Variants in ANKRD44 observed in about 807,000 individuals in gnomAD.
ANKRD44 encodes the protein ankyrin repeat domain 44.
A neutral mutation model predicts 116.0 loss-of-function variants in ANKRD44; 35 were observed. The observed-to-expected ratio is 0.30, with a 90% CI of 0.23 to 0.40. The LOEUF is 0.40. ANKRD44 is among the 10% of genes least tolerant of loss of function. ANKRD44 has a pLI of 1.00. For synonymous variants in ANKRD44, 435 were observed against 461.8 expected, an observed-to-expected ratio of 0.94 and a Z score of 0.74; for missense variants, 1,014 against 1,242.6, an observed-to-expected ratio of 0.82 and a Z score of 2.77.
At chr2:197,048,622 C>T (rs1181273922) in intron 16 of ANKRD44, among the ~76,000 whole-genome samples, 3 of 152,188 alleles carry the variant, frequency 2.0e-5, no homozygotes, top group African/African-American at 4.8e-5. Flanking sequence ...CAAGTCTTTG[C>T]TATTGTGAAT....
intron 1 of ANKRD44, among the ~76,000 whole-genome samples, chr2:197,219,043 G>A (rs1393875211): frequency 6.7e-6 from 1 of 148,416 alleles, no homozygotes; most frequent in Non-Finnish European, 1.5e-5. Flanking sequence ...GATTACAAGT[G>A]TGAGCCACCA....
intron 16 of ANKRD44, among the ~76,000 whole-genome samples, chr2:197,059,949 T>C (rs1463785466): frequency 2.6e-5 from 4 of 152,210 alleles, no homozygotes; most frequent in Non-Finnish European, 5.9e-5. Flanking sequence ...TATTCCACAT[T>C]CACACAAATG....
intron 21 of ANKRD44, among the ~76,000 whole-genome samples, chr2:197,003,072 C>T (rs941843553): frequency 6.6e-6 from 1 of 151,474 alleles, no homozygotes; most frequent in Admixed American, 6.6e-5. Context: ...TTTGGGAGGT[C>T]GAGGCGGGCG....
At chr2:197,238,582 C>G (rs147546009) in intron 1 of ANKRD44, among the ~76,000 whole-genome samples, 71 of 152,240 alleles carry the variant, frequency 4.7e-4, no homozygotes, top group African/African-American at 1.5e-3. Flanking sequence ...CCCAAAATAA[C>G]AGTGGCTTAA....
At chr2:197,140,495 A>T (rs1015867720) in intron 3 of ANKRD44, among the ~76,000 whole-genome samples, 6 of 151,978 alleles carry the variant, frequency 3.9e-5, no homozygotes, top group Non-Finnish European at 8.8e-5. Context: ...ATTTTTAAAA[A>T]TTTTTTGTAG....
At chr2:197,171,335 C>A (rs1411184616) in intron 2 of ANKRD44, among the ~76,000 whole-genome samples, 1 of 152,090 alleles carries the variant, frequency 6.6e-6, no homozygotes, top group Non-Finnish European at 1.5e-5. Flanking sequence ...GGCAGTTGTG[C>A]TAAACACAGC....
chr2:196,979,554 CTTTTTTTT>C (rs71012942), intron 21 of ANKRD44, among the ~76,000 whole-genome samples: 8 of 59,634 alleles, frequency 1.3e-4, no homozygotes, highest in Admixed American at 2.4e-4. Context: ...AATAAGATGA[CTTTTTTTT>C]TTTTTTTTTT....
At chr2:197,027,205 T>C (rs1329268383) in intron 16 of ANKRD44, among the ~76,000 whole-genome samples, 1 of 151,662 alleles carries the variant, frequency 6.6e-6, no homozygotes, top group African/African-American at 2.4e-5. Context: ...TACCAAAAAA[T>C]ACAAAAATTA....
At chr2:197,200,006 G>A (rs2081057486) in intron 1 of ANKRD44, among the ~76,000 whole-genome samples, 1 of 152,172 alleles carries the variant, frequency 6.6e-6, no homozygotes, top group Non-Finnish European at 1.5e-5. Context: ...CATTTTCTGA[G>A]TACCTACAAT....
chr2:197,273,975 AAAAAAATATATATATATATATATATAT>A (rs1420361847), intron 1 of ANKRD44, among the ~76,000 whole-genome samples: 10 of 54,476 alleles, frequency 1.8e-4, no homozygotes, highest in Admixed American at 1.3e-3. Flanking sequence ...AAAAAAAAAA[AAAAAAATATATATATATATATATATAT>A]ATATATATAT....
intron 1 of ANKRD44, among the ~76,000 whole-genome samples, chr2:197,306,333 G>T (rs963074112): frequency 6.6e-6 from 1 of 152,122 alleles, no homozygotes; most frequent in South Asian, 2.1e-4. Flanking sequence ...ACCCTAAACC[G>T]GTCAATTAGC....
At chr2:197,208,620 G>A (rs1278909087) in intron 1 of ANKRD44, among the ~76,000 whole-genome samples, 2 of 152,076 alleles carry the variant, frequency 1.3e-5, no homozygotes, top group Non-Finnish European at 2.9e-5. Flanking sequence ...CTAACATGGT[G>A]AAACCCCGTC....
chr2:197,120,566 G>A (rs374179555), intron 8 of ANKRD44, among the ~76,000 whole-genome samples: 3 of 152,096 alleles, frequency 2.0e-5, no homozygotes, highest in East Asian at 1.9e-4. Flanking sequence ...CAGGAGAATC[G>A]CTTGAACCTG....
rs555210782 is a variant in ANKRD44 at position 197,141,351 on chromosome 2, A to C, written c.191-4689T>G. Reference sequence around the variant, plus strand: ...GCCATTTGTAATTCATTTTCTGAGAATTACTTGTTCATATTCTTTACATAT... The same window carrying C: ...GCCATTTGTAATTCATTTTCTGAGACTTACTTGTTCATATTCTTTACATAT... On this transcript the variant is annotated intron_variant, in intron 3 of 27. Transcript: ENST00000282272. Among the ~76,000 whole-genome samples, 14 of 152,258 alleles carry C rather than the reference A, an allele frequency of 9.2e-5. No individual in the cohort carries two copies. In the East Asian group the frequency reaches 2.7e-3, roughly 29 times the overall value.
chr2:197,151,102 A>G (rs975841480), intron 2 of ANKRD44, among the ~76,000 whole-genome samples: 4 of 137,956 alleles, frequency 2.9e-5, no homozygotes, highest in African/African-American at 1.1e-4. Flanking sequence ...TTAATCCAGG[A>G]ACTTTCAAGT....
chr2:197,175,384 G>A (rs2125558568), intron 2 of ANKRD44, among the ~76,000 whole-genome samples: 1 of 152,202 alleles, frequency 6.6e-6, no homozygotes, highest in South Asian at 2.1e-4. Context: ...AAGATGAAGA[G>A]TCAATCCTGC....
chr2:197,228,775 C>T (rs1018841814), intron 1 of ANKRD44, among the ~76,000 whole-genome samples: 1 of 152,240 alleles, frequency 6.6e-6, no homozygotes, highest in Non-Finnish European at 1.5e-5. Context: ...GAGGCTCACG[C>T]CTGTAATCCC....
intron 16 of ANKRD44, among the ~76,000 whole-genome samples, chr2:197,026,293 T>A (rs897906757): frequency 7.2e-5 from 11 of 152,114 alleles, no homozygotes; most frequent in African/African-American, 2.4e-4. Context: ...AAGAAAGAAG[T>A]TTCATAGTTT....
intron 10 of ANKRD44, 39 bp from the exon 11 acceptor site, chr2:197,090,071 T>C (rs745859199): frequency 6.7e-7 from 1 of 1,488,696 alleles, no homozygotes; most frequent in Non-Finnish European, 9.4e-7. Flanking sequence ...CGGCAACAGA[T>C]CTCAAGATAC....
Sources: allele counts gnomAD v4.1 joint callset (sites outside exome capture counted in the v4.1 genomes callset), GRCh38; gene constraint gnomAD v4.1.1; transcripts MANE v1.5; gene names NCBI Gene and HGNC (gene_info 2026-07-23, HGNC 2026-07-21).